Variants in LINGO2 observed in about 807,000 individuals in gnomAD.
LINGO2 encodes the protein leucine rich repeat and Ig domain containing 2.
In LINGO2, 14 loss-of-function variants were observed where a neutral mutation model predicts 30.6. The observed-to-expected ratio is 0.46, with a 90% confidence interval of 0.30 to 0.72. The LOEUF is 0.72. LINGO2 is among the 30% of genes least tolerant of loss of function. The pLI is 0.07. For synonymous variants in LINGO2, 317 were observed against 288.5 expected (o/e 1.10, Z -1.00); for missense variants, 729 against 751.7 (o/e 0.97, Z 0.35).
At chr9:28,668,225 G>A (rs1479851207) in intron 1 of LINGO2, among the ~76,000 whole-genome samples, 2 of 151,986 alleles carry the variant, frequency 1.3e-5, no homozygotes, top group African/African-American at 4.8e-5. Flanking sequence ...GTAGGGGAAG[G>A]TTAAAATCTC....
the LINGO2 span, among the ~76,000 whole-genome samples, chr9:28,790,483 C>T: frequency 2.0e-5 from 3 of 149,896 alleles, no homozygotes; most frequent in South Asian, 2.2e-4. Context: ...CGCCCGCCAC[C>T]ACGCCCGGCT....
intron 3 of LINGO2, among the ~76,000 whole-genome samples, chr9:28,300,670 C>G (rs1374964017): frequency 6.6e-6 from 1 of 151,790 alleles, no homozygotes; most frequent in Non-Finnish European, 1.5e-5. Context: ...TTTTTTCTTC[C>G]TCCCTTCCAT....
intron 4 of LINGO2, among the ~76,000 whole-genome samples, chr9:28,272,283 C>T (rs1435815056): frequency 6.6e-6 from 1 of 152,090 alleles, no homozygotes; most frequent in Non-Finnish European, 1.5e-5. Flanking sequence ...CTTCAGGGGC[C>T]TCCCTTTGCA....
chr9:28,302,208 T>C (rs541137473), intron 3 of LINGO2, among the ~76,000 whole-genome samples: 2 of 152,332 alleles, frequency 1.3e-5, no homozygotes, highest in South Asian at 2.1e-4. Context: ...TAAGGCAGAC[T>C]GTGCCTAAAA....
intron 5 of LINGO2, among the ~76,000 whole-genome samples, chr9:27,985,147 G>A (rs1031145225): frequency 1.3e-5 from 2 of 151,868 alleles, no homozygotes; most frequent in African/African-American, 4.8e-5. Context: ...GAGGAAAGAA[G>A]GTGTGTCTAC....
At chr9:28,892,146 A>AT in the LINGO2 span, among the ~76,000 whole-genome samples, 1 of 151,884 alleles carries the variant, frequency 6.6e-6, no homozygotes, top group Non-Finnish European at 1.5e-5. Context: ...GAATTTTAAA[A>AT]TTTTCACTCC....
chr9:28,856,186 G>T, the LINGO2 span, among the ~76,000 whole-genome samples: 1 of 151,970 alleles, frequency 6.6e-6, no homozygotes, highest in African/African-American at 2.4e-5. Flanking sequence ...CAATTTTGTT[G>T]TAATTATAAA....
the LINGO2 span, among the ~76,000 whole-genome samples, chr9:28,949,660 C>G: frequency 6.6e-5 from 10 of 152,152 alleles, no homozygotes; most frequent in Non-Finnish European, 1.2e-4. Flanking sequence ...GATGGATTCA[C>G]AGCCGAATTC....
chr9:28,148,258 C>T lies in LINGO2; in HGVS notation c.-86-135853G>A. On this transcript the variant is annotated intron_variant, in intron 4 of 5. Transcript: ENST00000379992. The surrounding 1 kb of genome is among the most constrained non-coding windows in gnomAD (Gnocchi z 5.1). ...GGAACATGGGCACCCCACAGAGGGT[C>T]CTGTCTCCTGTGGTCTGGAGCCCCG... The T allele has an allele frequency of 1.3e-6, 1 of 748,394 alleles. No homozygotes were observed. 46.4% of individuals were successfully genotyped at this position (748,394 alleles called of 1,614,324 possible).
At chr9:28,592,473 G>A (rs1824963796) in intron 1 of LINGO2, among the ~76,000 whole-genome samples, 1 of 152,054 alleles carries the variant, frequency 6.6e-6, no homozygotes, top group Non-Finnish European at 1.5e-5. Flanking sequence ...CTTCTGTACT[G>A]AGTTTGCTTT....
chr9:28,370,898 A>T (rs1279904408), intron 3 of LINGO2, among the ~76,000 whole-genome samples: 1 of 152,214 alleles, frequency 6.6e-6, no homozygotes, highest in Non-Finnish European at 1.5e-5. Context: ...AAAATGAATA[A>T]TAGTTGAAGC....
intron 4 of LINGO2, among the ~76,000 whole-genome samples, chr9:28,181,726 C>G (rs1011794282): frequency 3.9e-5 from 6 of 152,114 alleles, no homozygotes; most frequent in African/African-American, 1.4e-4. Context: ...TGTGTCCCAG[C>G]CTCTAGCATC....
chr9:28,327,838 T>G (rs1825284365), intron 3 of LINGO2, among the ~76,000 whole-genome samples: 1 of 152,006 alleles, frequency 6.6e-6, no homozygotes, highest in Non-Finnish European at 1.5e-5. Context: ...ATATTCAATA[T>G]TCTATCATTA....
chr9:28,775,790 A>G, the LINGO2 span, among the ~76,000 whole-genome samples: 1 of 152,176 alleles, frequency 6.6e-6, no homozygotes, highest in Non-Finnish European at 1.5e-5. Context: ...AAATATTATG[A>G]TATTTTCTAA....
intron 4 of LINGO2, among the ~76,000 whole-genome samples, chr9:28,141,185 G>A (rs1245185542): frequency 6.6e-6 from 1 of 152,178 alleles, no homozygotes; most frequent in African/African-American, 2.4e-5. Context: ...TTGGGGAATA[G>A]AACAGTCCTT....
intron 4 of LINGO2, among the ~76,000 whole-genome samples, chr9:28,055,438 G>A (rs562286684): frequency 1.3e-5 from 2 of 152,244 alleles, no homozygotes; most frequent in East Asian, 3.9e-4. Context: ...GGGTATAAGG[G>A]CATTTGCAGC....
chr9:28,190,921 G>C (rs956435938), intron 4 of LINGO2, among the ~76,000 whole-genome samples: 4 of 152,180 alleles, frequency 2.6e-5, no homozygotes, highest in Non-Finnish European at 5.9e-5. Context: ...ACAGATGTCA[G>C]CTCTCTTTTT....
the LINGO2 span, among the ~76,000 whole-genome samples, chr9:28,912,949 G>A: frequency 2.3e-4 from 35 of 152,172 alleles, no homozygotes; most frequent in African/African-American, 8.2e-4. Flanking sequence ...AATTGTTGGT[G>A]CTAGATCTTT....
intron 5 of LINGO2, among the ~76,000 whole-genome samples, chr9:28,010,168 A>G (rs1016373857): frequency 1.3e-5 from 2 of 152,232 alleles, no homozygotes; most frequent in South Asian, 2.1e-4. Context: ...TAAAATGTCC[A>G]TAGAGGAAGC....
Sources: allele counts gnomAD v4.1 joint callset (sites outside exome capture counted in the v4.1 genomes callset), GRCh38; gene constraint gnomAD v4.1.1; non-coding constraint Gnocchi (gnomAD v3.1); transcripts MANE v1.5; gene names NCBI Gene and HGNC (gene_info 2026-07-23, HGNC 2026-07-21).